TPRA1: variants seen among roughly 807,000 people sequenced by gnomAD.
TPRA1 encodes the protein transmembrane protein adipocyte-associated 1.
TPRA1 carries 28 observed loss-of-function variants against 40.1 expected under a neutral mutation model. That is an observed-to-expected ratio of 0.70 (90% CI 0.52 to 0.96). The LOEUF (loss-of-function observed/expected upper bound fraction) is 0.96, where lower values mean the gene tolerates loss of function less well. Among genes scored for constraint, TPRA1 ranks in the 40% least tolerant of loss-of-function variants. TPRA1 has a pLI of 0.00. For missense variants in TPRA1, 441 were observed against 482.6 expected, an observed-to-expected ratio of 0.91 and a Z score of 0.81; for synonymous variants, 219 against 209.7, an observed-to-expected ratio of 1.04 and a Z score of -0.38.
upstream of TPRA1, among the ~76,000 whole-genome samples, chr3:127,595,199 A>G (rs1419608229): frequency 6.6e-6 from 1 of 152,246 alleles, no homozygotes; most frequent in African/African-American, 2.4e-5. Context: ...CATCAGGGCC[A>G]TAATAGAGGC....
chr3:127,597,523 A>T (rs544471047), intron 1 of TPRA1, among the ~76,000 whole-genome samples: 23 of 152,290 alleles, frequency 1.5e-4, no homozygotes, highest in African/African-American at 5.3e-4. Context: ...GTTGCCCGGC[A>T]TCATAAGCTC....
At chr3:127,579,078 A>C (rs1044981542) in intron 3 of TPRA1, among the ~76,000 whole-genome samples, 3 of 152,178 alleles carry the variant, frequency 2.0e-5, no homozygotes, top group African/African-American at 7.2e-5. Context: ...TGGAGCCTAT[A>C]CCAGGAGAGC....
Position 127,575,968 on chromosome 3 carries a change from C to A in TPRA1, c.581G>T (p.Trp194Leu), listed in dbSNP as rs765649738. 6.2e-7 allele frequency: 1 copy of A among 1,613,932 alleles called. No homozygotes were observed. Among genetic ancestry groups the A allele is most frequent in the South Asian group, 1.1e-5 (1 of 91,090 alleles). Reference sequence around the variant, plus strand: ...GAAGAAGAAGCAGGAGCTGACCAGCCAGAACTGGCGGCCCCCATGGCCATA... The same window carrying A: ...GAAGAAGAAGCAGGAGCTGACCAGCAAGAACTGGCGGCCCCCATGGCCATA... ...NIYGHGGRQFWLVSSCFFFLV... is the reference protein window; with the variant it reads ...NIYGHGGRQFLLVSSCFFFLV... The change falls in exon 7 of 11, where the codon TGG becomes TTG. Residue 194 changes from tryptophan to leucine, a missense_variant. Transcript: ENST00000355552.
At chr3:127,575,288 C>T (rs778170466) in intron 9 of TPRA1, 23 bp from the exon 10 acceptor site, 15 of 1,610,338 alleles carry the variant, frequency 9.3e-6, no homozygotes, top group Middle Eastern at 1.6e-4. Context: ...CGGGTCAGCG[C>T]GGGGCCTCCT....
rs1576371320 is a variant in TPRA1, at chr3:127,577,093, T to G, written c.259-17A>C. The G allele has an allele frequency of 1.2e-6, 2 of 1,611,470 alleles. No homozygotes were observed. Among genetic ancestry groups the G allele is most frequent in the Non-Finnish European group, 1.7e-6 (2 of 1,179,534 alleles). ...CACAAACACCTGGTGGGCAAGGGAGTGGTGTGGCAGTCAGGGAACAAGAGC... is the reference window on the plus strand; with the variant it reads ...CACAAACACCTGGTGGGCAAGGGAGGGGTGTGGCAGTCAGGGAACAAGAGC... On this transcript the variant is annotated splice_polypyrimidine_tract_variant and intron_variant, in intron 3 of 10. Coordinates refer to ENST00000355552, the MANE Select transcript of TPRA1 (RefSeq NM_001136053.4).
At chr3:127,583,836 A>G (rs2073911347) in intron 1 of TPRA1, among the ~76,000 whole-genome samples, 1 of 151,914 alleles carries the variant, frequency 6.6e-6, no homozygotes, top group Admixed American at 6.6e-5. Context: ...ATACCCGGCT[A>G]ATTTTTTGTA....
intron 10 of TPRA1, chr3:127,574,959 CGT>C (rs1406223145): frequency 6.3e-5 from 37 of 585,698 alleles, no homozygotes; most frequent in East Asian, 5.2e-4. Flanking sequence ...CTTGTGCATC[CGT>C]GTGTGCATGT....
In TPRA1 at chr3:127,590,428, C is replaced by T. The variant is rs2074136583; in HGVS notation, c.-36G>A. The T allele has an allele frequency of 6.7e-6, 1 of 149,792 alleles. No individual in the cohort carries two copies. Among genetic ancestry groups the T allele is most frequent in the African/African-American group, 2.4e-5 (1 of 41,376 alleles). The allele number at this position is 149,792 out of a possible 1,614,324, so 9.3% of individuals were successfully genotyped here. ...TCCTTACCTGACAGCCCGGGCCGCG[C>T]TCAGGACCGGCCGCCCCGGCCGCCC... is the stretch of plus-strand genomic sequence containing the variant. On this transcript the variant is annotated 5_prime_UTR_variant, in exon 1 of 11. Coordinates refer to ENST00000355552, the MANE Select transcript of TPRA1 (RefSeq NM_001136053.4).
At position 127,584,270 on chromosome 3, in the gene TPRA1, T is replaced by C. The variant is rs1477304976; in HGVS notation, c.-17-4107A>G. On this transcript the variant is annotated intron_variant, in intron 1 of 10. Coordinates refer to ENST00000355552, the MANE Select transcript of TPRA1 (RefSeq NM_001136053.4). ...GCCTGAGCAACACAGCAAGACGCTATTTCTACAAAAAGTTTAAAAAACTAG... is the reference window on the plus strand; with the variant it reads ...GCCTGAGCAACACAGCAAGACGCTACTTCTACAAAAAGTTTAAAAAACTAG... Among the ~76,000 whole-genome samples the C allele has an allele frequency of 2.7e-5, 4 of 149,288 alleles. No individual in the cohort carries two copies. The South Asian group carries it at 6.4e-4, about 24-fold the overall frequency.
chr3:127,581,757 C>CAA (rs757784299), intron 1 of TPRA1, among the ~76,000 whole-genome samples: 1 of 127,454 alleles, frequency 7.8e-6, no homozygotes, highest in East Asian at 2.2e-4. Flanking sequence ...TACTAAAATA[C>CAA]AAAAAAAAAA....
At chr3:127,589,386 G>A (rs528201231) in intron 1 of TPRA1, among the ~76,000 whole-genome samples, 20 of 151,414 alleles carry the variant, frequency 1.3e-4, no homozygotes, top group Middle Eastern at 7.1e-3. Context: ...ACACCGACGG[G>A]TTGTTGAGCT....
intron 1 of TPRA1, among the ~76,000 whole-genome samples, chr3:127,590,207 C>T (rs1335635061): frequency 1.3e-5 from 2 of 152,172 alleles, no homozygotes; most frequent in Non-Finnish European, 2.9e-5. Flanking sequence ...GAGCGACTCC[C>T]GACTGCCCGG....
At chr3:127,589,182 G>A (rs1009124918) in intron 1 of TPRA1, among the ~76,000 whole-genome samples, 1 of 150,600 alleles carries the variant, frequency 6.6e-6, no homozygotes, top group Non-Finnish European at 1.5e-5. Context: ...ACCCAGTTGA[G>A]GGACAGGATG....
chr3:127,589,217 C>T lies in TPRA1; in HGVS notation c.-18+1193G>A, dbSNP rs190766190. Among the ~76,000 whole-genome samples, 129 of 151,320 alleles carry T rather than the reference C, an allele frequency of 8.5e-4. 1 individual carries two copies. The highest frequency in any genetic ancestry group is 1.4e-3 in the Non-Finnish European group (95 of 67,758). On this transcript the variant is annotated intron_variant, in intron 1 of 10. Transcript: ENST00000355552. Reference sequence around the variant, plus strand: ...GCTGGCTAGGCTCAGGTCATGGTCACGCAATGCAGGACCCGCTGAGAACGA... The same window carrying T: ...GCTGGCTAGGCTCAGGTCATGGTCATGCAATGCAGGACCCGCTGAGAACGA...
chr3:127,573,445 G>T lies in TPRA1; in HGVS notation c.*76C>A. ...CTGCCCACAGAACGTCCCTTGACCT[G>T]GTCCTCCTCCCCTGGGGACTCTGGG... is the stretch of plus-strand genomic sequence containing the variant. On this transcript the variant is annotated 3_prime_UTR_variant, in exon 11 of 11. Transcript: ENST00000355552. 6.6e-7 allele frequency: 1 copy of T among 1,519,734 alleles called. No individual in the cohort carries two copies. The allele number at this position is 1,519,734 out of a possible 1,614,324, so 94.1% of individuals were successfully genotyped here.
chr3:127,586,762 C>T (rs147527991), intron 1 of TPRA1, among the ~76,000 whole-genome samples: 7 of 152,332 alleles, frequency 4.6e-5, no homozygotes, highest in East Asian at 3.9e-4. Flanking sequence ...AGCCCCAAGA[C>T]GGGCAGGGCC....
Position 127,575,235 on chromosome 3 carries a change from G to A in TPRA1, c.804C>T (p.Phe268=). ...CGTAGATGAGCGGAGCGAAGAAGCT[G>A]AAGTACAGGAAGGTTGTGGCATCTA... ...CCVDATTFLY[F]SFFAPLIYVA... The change falls in exon 10 of 11, where the codon TTC becomes TTT. Residue 268 remains phenylalanine (F), a synonymous_variant. Transcript: ENST00000355552. The A allele has an allele frequency of 6.2e-7, 1 of 1,613,986 alleles. No homozygotes were observed. Among genetic ancestry groups the A allele is most frequent in the Non-Finnish European group, 8.5e-7 (1 of 1,179,958 alleles).
At chr3:127,592,579 G>A (rs184288603), upstream of TPRA1, among the ~76,000 whole-genome samples, 2,180 of 151,522 alleles carry the variant, frequency 0.014, 62 homozygotes, top group African/African-American at 0.05. Flanking sequence ...TAGAGACGGG[G>A]TTTCACCTTG....
upstream of TPRA1, among the ~76,000 whole-genome samples, chr3:127,592,367 GTTTTTTT>G (rs746017013): frequency 5.6e-5 from 5 of 88,534 alleles, no homozygotes; most frequent in East Asian, 7.4e-4. Context: ...GCAACATGCT[GTTTTTTT>G]TTTTTTTTTT....
Sources: gnomAD v4.1 joint callset for allele counts (sites outside exome capture counted in the v4.1 genomes callset) on GRCh38, gnomAD v4.1.1 for gene constraint, MANE v1.5 for transcripts, NCBI Gene and HGNC (gene_info 2026-07-23, HGNC 2026-07-21) for gene names.